Variants in PRKCE observed in about 807,000 individuals in gnomAD.
The protein encoded by PRKCE is protein kinase C epsilon type.
In PRKCE, 16 loss-of-function variants were observed where a neutral mutation model predicts 85.4. That is an observed-to-expected ratio of 0.19 (90% confidence interval 0.13 to 0.28). PRKCE has a LOEUF of 0.28. Ranked by LOEUF, PRKCE falls within the 10% of genes least tolerant of loss-of-function variation. The pLI is 1.00. For missense variants in PRKCE, 573 were observed against 975.2 expected (o/e 0.59, Z 5.49); for synonymous variants, 388 against 371.5 (o/e 1.04, Z -0.51).
intron 10 of PRKCE, among the ~76,000 whole-genome samples, chr2:46,065,368 A>G (rs1288721973): frequency 6.6e-6 from 1 of 152,164 alleles, no homozygotes; most frequent in Non-Finnish European, 1.5e-5. Context: ...TTCTCTTAAA[A>G]TAATCTGTTT....
chr2:45,723,713 T>G (rs1680818316), intron 1 of PRKCE, among the ~76,000 whole-genome samples: 1 of 152,202 alleles, frequency 6.6e-6, no homozygotes, highest in Non-Finnish European at 1.5e-5. Flanking sequence ...CAAGCGATTC[T>G]CCTGCCTCAG....
Position 45,962,001 on chromosome 2 carries a change from G to C in PRKCE, c.413-14428G>C, listed in dbSNP as rs2104427761. ...TGAACCACCGCGCCCGGCTGCCAGG[G>C]ATTCTTAAGACTGTGGTAGACCTCA... On this transcript the variant is annotated intron_variant, in intron 2 of 14. Coordinates refer to ENST00000306156, the MANE Select transcript of PRKCE (RefSeq NM_005400.3). 1.3e-5 allele frequency among the ~76,000 whole-genome samples: 2 copies of C among 152,274 alleles called. 1 individual carries two copies.
intron 1 of PRKCE, among the ~76,000 whole-genome samples, chr2:45,842,045 G>A (rs1469741363): frequency 6.9e-6 from 1 of 145,960 alleles, no homozygotes. Flanking sequence ...GGGACTTGGT[G>A]ATCCAGGGTT....
intron 11 of PRKCE, among the ~76,000 whole-genome samples, chr2:46,112,611 C>T (rs1245934054): frequency 6.6e-6 from 1 of 151,994 alleles, no homozygotes; most frequent in Admixed American, 6.6e-5. Context: ...CTCCACCACC[C>T]GGGTTCAGGC....
At chr2:45,903,306 G>C (rs555533059) in intron 2 of PRKCE, among the ~76,000 whole-genome samples, 1 of 152,256 alleles carries the variant, frequency 6.6e-6, no homozygotes, top group Non-Finnish European at 1.5e-5. Context: ...CATAACACAG[G>C]CTTTAAAAAA....
intron 10 of PRKCE, among the ~76,000 whole-genome samples, chr2:46,013,231 T>C (rs1488226187): frequency 6.6e-6 from 1 of 152,138 alleles, no homozygotes; most frequent in African/African-American, 2.4e-5. Flanking sequence ...AAACCAACAG[T>C]TTATCATAGT....
intron 1 of PRKCE, among the ~76,000 whole-genome samples, chr2:45,732,198 C>T (rs1291833742): frequency 6.6e-6 from 1 of 152,052 alleles, no homozygotes; most frequent in Non-Finnish European, 1.5e-5. Context: ...TATGGGGGCC[C>T]TGGACATCCT....
chr2:46,021,135 A>G (rs7604376), intron 10 of PRKCE, among the ~76,000 whole-genome samples: 102,559 of 152,060 alleles, frequency 0.67, 36,814 homozygotes, highest in African/African-American at 0.92. Context: ...GGCAGGAGGC[A>G]TTTGCAGGAA....
At chr2:46,134,331 A>G (rs1300264640) in intron 11 of PRKCE, among the ~76,000 whole-genome samples, 4 of 152,168 alleles carry the variant, frequency 2.6e-5, no homozygotes, top group Admixed American at 2.6e-4. Context: ...GACCATCTGA[A>G]GGTTCCTCTG....
intron 11 of PRKCE, among the ~76,000 whole-genome samples, chr2:46,124,111 G>T (rs944713632): frequency 6.6e-6 from 1 of 152,136 alleles, no homozygotes; most frequent in African/African-American, 2.4e-5. Context: ...GATCACTGGA[G>T]GTCAGGAGTT....
At chr2:45,655,339 A>G (rs1167419132) in intron 1 of PRKCE, among the ~76,000 whole-genome samples, 2 of 148,188 alleles carry the variant, frequency 1.3e-5, no homozygotes, top group African/African-American at 5.0e-5. Context: ...CTAAAACGTT[A>G]TAAGTTTTTT....
chr2:45,999,681 A>G (rs1454992188), intron 6 of PRKCE, among the ~76,000 whole-genome samples: 1 of 151,974 alleles, frequency 6.6e-6, no homozygotes, highest in Admixed American at 6.6e-5. Context: ...TCCTCATTGT[A>G]TCAAATATTA....
At chr2:45,972,839 C>T (rs1036105594) in intron 2 of PRKCE, among the ~76,000 whole-genome samples, 5 of 152,218 alleles carry the variant, frequency 3.3e-5, no homozygotes, top group African/African-American at 1.2e-4. Flanking sequence ...TTAAAAGGAA[C>T]TGCAACTTTA....
At chr2:45,709,880 G>T (rs969999148) in intron 1 of PRKCE, among the ~76,000 whole-genome samples, 9 of 152,128 alleles carry the variant, frequency 5.9e-5, no homozygotes, top group Non-Finnish European at 1.2e-4. Flanking sequence ...CATGATCTCA[G>T]CTCACTGCAA....
chr2:46,127,414 C>A (rs1340461600), intron 11 of PRKCE, among the ~76,000 whole-genome samples: 1 of 152,224 alleles, frequency 6.6e-6, no homozygotes, highest in East Asian at 1.9e-4. Context: ...CCTAACCTCT[C>A]AGCTTCCAGA....
chr2:45,941,450 G>A (rs1699872929), intron 2 of PRKCE, among the ~76,000 whole-genome samples: 1 of 152,176 alleles, frequency 6.6e-6, no homozygotes, highest in Non-Finnish European at 1.5e-5. Flanking sequence ...CTTTGGAATG[G>A]GAGATCATAC....
chr2:45,753,148 G>A (rs1683723847), intron 1 of PRKCE, among the ~76,000 whole-genome samples: 1 of 152,064 alleles, frequency 6.6e-6, no homozygotes, highest in Non-Finnish European at 1.5e-5. Flanking sequence ...GTAATGGCTG[G>A]GTTACCTACC....
chr2:45,858,992 G>A (rs1353830830), intron 2 of PRKCE, among the ~76,000 whole-genome samples: 4 of 151,824 alleles, frequency 2.6e-5, no homozygotes, highest in South Asian at 2.1e-4. Context: ...AGTGAGCCAA[G>A]GTCAGGGCGT....
intron 10 of PRKCE, among the ~76,000 whole-genome samples, chr2:46,081,017 G>A (rs1400773917): frequency 6.9e-6 from 1 of 145,022 alleles, no homozygotes; most frequent in African/African-American, 2.7e-5. Context: ...TTAGAGGCAG[G>A]GTTTCACCGT....
Sources: allele counts gnomAD v4.1 joint callset (sites outside exome capture counted in the v4.1 genomes callset), GRCh38; gene constraint gnomAD v4.1.1; transcripts MANE v1.5; gene names NCBI Gene and HGNC (gene_info 2026-07-23, HGNC 2026-07-21).